CFAP74: variants seen among roughly 807,000 people sequenced by gnomAD.
CFAP74 encodes the protein cilia- and flagella-associated protein 74.
A neutral mutation model predicts 188.9 loss-of-function variants in CFAP74; 124 were observed. That is an observed-to-expected ratio of 0.66 (90% confidence interval 0.57 to 0.76). CFAP74 has a LOEUF of 0.76. Among genes scored for constraint, CFAP74 ranks in the 30% least tolerant of loss-of-function variants. The pLI, the probability that CFAP74 is intolerant of heterozygous loss-of-function variation, is 0.00. For missense variants in CFAP74, 2,198 were observed against 2,165.2 expected, an observed-to-expected ratio of 1.02 and a Z score of -0.30; for synonymous variants, 956 against 916.7, an observed-to-expected ratio of 1.04 and a Z score of -0.77.
In CFAP74 at chr1:1,926,652, C is replaced by T; in HGVS notation, c.3772G>A (p.Gly1258Arg). 2 of 1,549,814 alleles carry T rather than the reference C, an allele frequency of 1.3e-6. No homozygotes were observed. The highest frequency in any genetic ancestry group is 1.7e-4 in the Middle Eastern group (1 of 5,990). ...TIFNFGDVAV[G>R]HRSIKKISIQ... Reference sequence around the variant, plus strand: ...GTGTGGGCGGGGCTTAGCGTCTCACCCACAGCGACGTCGCCGAAGTTAAAG... The same window carrying T: ...GTGTGGGCGGGGCTTAGCGTCTCACTCACAGCGACGTCGCCGAAGTTAAAG... The change falls in exon 30 of 39, where the codon GGG becomes AGG. Residue 1258 changes from glycine (G) to arginine (R), a missense_variant and splice_region_variant. Physicochemically the swap from Gly to Arg is moderately radical, Grantham distance 125. Coordinates refer to ENST00000682832, the MANE Select transcript of CFAP74 (RefSeq NM_001304360.2).
chr1:1,994,119 T>C (rs1459042000), intron 1 of CFAP74, among the ~76,000 whole-genome samples: 1 of 150,434 alleles, frequency 6.6e-6, no homozygotes, highest in African/African-American at 2.5e-5. Context: ...GAGCTGTGAT[T>C]GTGCCACTGC....
intron 16 of CFAP74, 71 bp downstream of exon 16, chr1:1,959,049 A>G (rs1008351113): frequency 8.0e-6 from 8 of 998,328 alleles, no homozygotes; most frequent in African/African-American, 3.3e-5. Context: ...CTCCCAGGAG[A>G]TGCCGTCCCC....
At chr1:1,952,848 G>C (rs990785153) in intron 18 of CFAP74, among the ~76,000 whole-genome samples, 1 of 151,980 alleles carries the variant, frequency 6.6e-6, no homozygotes, top group African/African-American at 2.4e-5. Context: ...AGTAGAGATG[G>C]AGTCTCCCTA....
Position 1,946,903 on chromosome 1 carries a change from C to T in CFAP74, c.2241+87G>A, listed in dbSNP as rs181045863. The T allele has an allele frequency of 6.7e-6, 7 of 1,051,216 alleles. No individual in the cohort carries two copies. In the African/African-American group the frequency reaches 9.4e-5, roughly 14 times the overall value. 65.1% of individuals were successfully genotyped at this position (1,051,216 alleles called of 1,614,324 possible). ...CGCAAGGGCCACCTAGCAGTGAGGG[C>T]CAGTGGGTTGGGGTGCAGCTGGGGC... On this transcript the variant is annotated intron_variant, in intron 19 of 38. Transcript: ENST00000682832.
At chr1:1,946,478 A>G in intron 19 of CFAP74, 39 bp from the exon 20 acceptor site, 2 of 1,499,516 alleles carry the variant, frequency 1.3e-6, no homozygotes, top group Non-Finnish European at 8.9e-7. Context: ...GCCAGGCTTC[A>G]TGGCTTTTAA....
rs182421519 is a variant in CFAP74 at position 2,001,866 on chromosome 1, C to T, written c.-20+1835G>A. ...ACGAAACCAAATGGAGGGACTTTCT[C>T]CAAAGTAATTGGCCCATGACCTTCA... On this transcript the variant is annotated intron_variant, in intron 1 of 38. Transcript: ENST00000682832. Among the ~76,000 whole-genome samples, 20 of 152,264 alleles carry T rather than the reference C, an allele frequency of 1.3e-4. No homozygotes were observed. The East Asian group carries it at 3.5e-3, about 26-fold the overall frequency.
In CFAP74 at chr1:1,942,694, C is replaced by T. The variant is rs898459183; in HGVS notation, c.2487-538G>A. Among the ~76,000 whole-genome samples, 1 of 152,200 alleles carries T rather than the reference C, an allele frequency of 6.6e-6. No homozygotes were observed. The highest frequency in any genetic ancestry group is 2.4e-5 in the African/African-American group (1 of 41,442). ...GGGAGGCCATGCGTCTGTCCGGTCCCTACCTCCGGCTCCCTTAAGCCAACG... is the reference window on the plus strand; with the variant it reads ...GGGAGGCCATGCGTCTGTCCGGTCCTTACCTCCGGCTCCCTTAAGCCAACG... On this transcript the variant is annotated intron_variant, in intron 21 of 38. Coordinates refer to ENST00000682832, the MANE Select transcript of CFAP74 (RefSeq NM_001304360.2). The surrounding 1 kb of genome is among the most constrained non-coding windows in gnomAD (Gnocchi z 4.3).
chr1:1,944,309 G>A (rs1478606236), intron 21 of CFAP74, 22 bp downstream of exon 21: 1 of 1,532,386 alleles, frequency 6.5e-7, no homozygotes, highest in Admixed American at 2.0e-5. Flanking sequence ...CACCCCGTGT[G>A]CATGGACAGG....
At chr1:1,969,311 C>T (rs1373569869) in intron 10 of CFAP74, among the ~76,000 whole-genome samples, 1 of 141,886 alleles carries the variant, frequency 7.0e-6, no homozygotes, top group Non-Finnish European at 1.5e-5. Flanking sequence ...CCCAGCCCTG[C>T]ACTGCCCAGC....
chr1:1,988,521 T>C lies in CFAP74; in HGVS notation c.287A>G (p.Glu96Gly), dbSNP rs750607380. Residue 96 changes from glutamate to glycine, a missense_variant, in exon 4 of 39, where the codon GAG (glutamate) becomes GGG (glycine). Physicochemically the swap from Glu to Gly is moderately conservative, Grantham distance 98. Coordinates refer to ENST00000682832, the MANE Select transcript of CFAP74 (RefSeq NM_001304360.2). ...KMHEEQELFT[E>G]KMRGELRACR... ...CTCAGCCCCAGCTCACCTCATCTTC[T>C]CAGTGAAAAGCTCTTGCTCCTCATG... 15 of 1,612,166 alleles carry C rather than the reference T, an allele frequency of 9.3e-6. No homozygotes were observed. The East Asian group carries it at 3.3e-4, about 36-fold the overall frequency.
chr1:1,983,578 C>G (rs1657041066), intron 6 of CFAP74: 1 of 152,282 alleles, frequency 6.6e-6, no homozygotes, highest in Non-Finnish European at 1.5e-5. Flanking sequence ...CGACACAACG[C>G]CACATGGGCT....
Position 1,923,850 on chromosome 1 carries a change from G to C in CFAP74, c.4314C>G (p.Asp1438Glu). 6.2e-7 allele frequency: 1 copy of C among 1,613,400 alleles called. No homozygotes were observed. Among genetic ancestry groups the C allele is most frequent in the Non-Finnish European group, 8.5e-7 (1 of 1,179,808 alleles). The part of the protein sequence containing the change: ...KGVMDPGKTQ[D>E]FTVTFSPDHE... ...GGTCGGGGCTGAAGGTGACAGTGAA[G>C]TCTTGTGTCTTCCCGGGGTCCATGA... Residue 1438 changes from aspartate (D) to glutamate (E), a missense_variant, in exon 35 of 39, where the codon GAC becomes GAG. Asp to Glu is a conservative substitution (Grantham distance 45). Coordinates refer to ENST00000682832, the MANE Select transcript of CFAP74 (RefSeq NM_001304360.2). This position sits in a 1 kb window ranked among gnomAD's most constrained non-coding sequence, Gnocchi z 6.3.
At chr1:1,927,245 T>A in intron 28 of CFAP74, 1 of 617,356 alleles carries the variant, frequency 1.6e-6, no homozygotes, top group South Asian at 2.0e-5. Flanking sequence ...GGCTGGAGGC[T>A]AGGGGTTGGG....
intron 6 of CFAP74, among the ~76,000 whole-genome samples, chr1:1,982,277 C>T (rs367793534): frequency 0.029 from 2,515 of 85,302 alleles, 2 homozygotes; most frequent in East Asian, 0.037. Flanking sequence ...GGACACCCAG[C>T]CGTGGTCACA....
chr1:1,923,446 G>C lies in CFAP74; in HGVS notation c.4443C>G (p.Phe1481Leu), dbSNP rs768973631. 7.4e-6 allele frequency: 12 copies of C among 1,610,976 alleles called. No homozygotes were observed. Among genetic ancestry groups the C allele is most frequent in the Non-Finnish European group, 1.0e-5 (12 of 1,179,306 alleles). The change falls in exon 36 of 39, where the codon TTC (phenylalanine) becomes TTG (leucine). Residue 1481 changes from phenylalanine to leucine, a missense_variant. Transcript: ENST00000682832. This position sits in a 1 kb window ranked among gnomAD's most constrained non-coding sequence, Gnocchi z 6.3. ...CGTCCAGGGGGTCGCCGCCCTCCACGAACATCATGTGCTGACAGGCGGCAC... is the reference window on the plus strand; with the variant it reads ...CGTCCAGGGGGTCGCCGCCCTCCACCAACATCATGTGCTGACAGGCGGCAC... ...LKGAACQHMM[F>L]VEGGDPLDVP...
intron 1 of CFAP74, among the ~76,000 whole-genome samples, chr1:1,997,501 A>G (rs1244786386): frequency 6.6e-6 from 1 of 152,188 alleles, no homozygotes; most frequent in Non-Finnish European, 1.5e-5. Flanking sequence ...ATGACTCTAC[A>G]TAGAAAATCC....
At chr1:1,922,882 A>G (rs2250833) in intron 37 of CFAP74, 103 bp downstream of exon 37, 1,216,822 of 1,491,336 alleles carry the variant, frequency 0.82, 497,594 homozygotes, top group African/African-American at 0.94. Context: ...CCCGGCTGTC[A>G]GGACAAGCCC....
intron 17 of CFAP74, 124 bp from the exon 18 acceptor site, chr1:1,955,974 C>G (rs895462335): frequency 8.0e-5 from 116 of 1,441,526 alleles, no homozygotes; most frequent in Non-Finnish European, 9.3e-5. Context: ...CGTGGCCCCT[C>G]AGCTGCCTCC....
At chr1:1,929,538 T>C (rs900529195) in intron 26 of CFAP74, among the ~76,000 whole-genome samples, 3 of 150,836 alleles carry the variant, frequency 2.0e-5, no homozygotes, top group Non-Finnish European at 4.4e-5. Flanking sequence ...TTTGAATCAC[T>C]GCATTCATTG....
Sources: allele counts gnomAD v4.1 joint callset (sites outside exome capture counted in the v4.1 genomes callset), GRCh38; gene constraint gnomAD v4.1.1; non-coding constraint Gnocchi (gnomAD v3.1); transcripts MANE v1.5; gene names NCBI Gene and HGNC (gene_info 2026-07-23, HGNC 2026-07-21).